Variants in WNK3 observed in about 807,000 individuals in gnomAD.
WNK3 encodes WNK lysine deficient protein kinase 3.
A neutral mutation model predicts 116.7 loss-of-function variants in WNK3; 18 were observed. The observed-to-expected ratio is 0.15, with a 90% CI of 0.11 to 0.23. WNK3 has a LOEUF of 0.23. WNK3 is among the 10% of genes least tolerant of loss of function. WNK3 has a pLI of 1.00. For missense variants in WNK3, 993 were observed against 1,323.8 expected, an observed-to-expected ratio of 0.75 and a Z score of 3.88; for synonymous variants, 404 against 469.4, an observed-to-expected ratio of 0.86 and a Z score of 1.80.
intron 17 of WNK3, 106 bp from the exon 18 acceptor site, chrX:54,239,205 A>T: frequency 6.0e-6 from 3 of 502,512 alleles, no homozygotes; most frequent in Non-Finnish European, 8.7e-6. Context: ...GAAGCTTTTA[A>T]AAAAAAAAAA....
intron 5 of WNK3, among the ~76,000 whole-genome samples, chrX:54,304,093 T>C (rs1376618433): frequency 8.9e-6 from 1 of 111,881 alleles, no homozygotes; most frequent in Non-Finnish European, 1.9e-5. Context: ...TCAACAACAG[T>C]CAACATTTTG....
chrX:54,358,128 C>T (rs1557179719), upstream of WNK3: 2 of 111,558 alleles, frequency 1.8e-5, no homozygotes, highest in African/African-American at 6.5e-5. Context: ...GGAGCAGCCC[C>T]AACTCGGAAC....
intron 10 of WNK3, among the ~76,000 whole-genome samples, chrX:54,264,484 C>G (rs1341772394): frequency 9.1e-6 from 1 of 110,123 alleles, no homozygotes; most frequent in Non-Finnish European, 1.9e-5. Flanking sequence ...GAAATTTACC[C>G]TAAGTTAAAA....
chrX:54,259,248 C>G (rs1457956807), intron 11 of WNK3, 26 bp downstream of exon 11: 1 of 1,094,669 alleles, frequency 9.1e-7, no homozygotes, highest in Non-Finnish European at 1.3e-6. Flanking sequence ...TCATTGTTCT[C>G]ATGGTATTAA....
chrX:54,236,535 T>C (rs189384471), intron 20 of WNK3, among the ~76,000 whole-genome samples: 107 of 111,521 alleles, frequency 9.6e-4, no homozygotes, highest in African/African-American at 3.4e-3. Context: ...ATTACCTCAG[T>C]CACCAAATAA....
chrX:54,298,318 C>A, exon 7 of WNK3: 1 of 1,211,193 alleles, frequency 8.3e-7, no homozygotes, highest in Non-Finnish European at 1.1e-6. Flanking sequence ...GAGCAATCAT[C>A]TTCTTCTGCT....
chrX:54,344,793 T>C (rs1427094437), intron 1 of WNK3, among the ~76,000 whole-genome samples: 1 of 95,210 alleles, frequency 1.1e-5, no homozygotes, highest in East Asian at 3.4e-4. Flanking sequence ...AAATACAAAA[T>C]TTTAGCCGGG....
intron 10 of WNK3, among the ~76,000 whole-genome samples, chrX:54,270,672 C>T (rs782224771): frequency 9.2e-6 from 1 of 109,164 alleles, no homozygotes; most frequent in Admixed American, 1.0e-4. Context: ...CCTATCAACC[C>T]GTCATCTAGG....
chrX:54,273,466 C>T (rs1229005548), intron 10 of WNK3, among the ~76,000 whole-genome samples: 2 of 111,462 alleles, frequency 1.8e-5, no homozygotes, highest in East Asian at 2.8e-4. Flanking sequence ...TGCTTGAACC[C>T]GGAAGGCGGA....
intron 10 of WNK3, among the ~76,000 whole-genome samples, chrX:54,275,415 ATGTGTGTGTGTGTGTGTGTGTGTGTGTG>A (rs782672834): frequency 1.6e-5 from 1 of 64,432 alleles, no homozygotes; most frequent in East Asian, 6.3e-4. Flanking sequence ...ATAAGTTCAT[ATGTGTGTGTGTGTGTGTGTGTGTGTGTG>A]TGTGTGTGTG....
chrX:54,268,663 T>C (rs1434898764), intron 10 of WNK3, among the ~76,000 whole-genome samples: 2 of 111,266 alleles, frequency 1.8e-5, no homozygotes, highest in South Asian at 3.8e-4. Context: ...TGGGAAAATG[T>C]CAAAAGGACA....
intron 22 of WNK3, among the ~76,000 whole-genome samples, chrX:54,216,156 G>A (rs782327294): frequency 2.7e-5 from 3 of 109,655 alleles, no homozygotes; most frequent in Admixed American, 9.9e-5. Flanking sequence ...GGTGGAAGGC[G>A]GCAGGGCCCT....
At chrX:54,298,707 A>C (rs2068724644) in intron 6 of WNK3, among the ~76,000 whole-genome samples, 1 of 111,956 alleles carries the variant, frequency 8.9e-6, no homozygotes, top group East Asian at 2.8e-4. Context: ...ACATACACAA[A>C]ATTATGCCTA....
intron 22 of WNK3, among the ~76,000 whole-genome samples, chrX:54,218,279 C>T (rs1557145806): frequency 9.0e-6 from 1 of 110,741 alleles, no homozygotes; most frequent in African/African-American, 3.3e-5. Context: ...ACGCAGGAGT[C>T]CTGGAACTGA....
At chrX:54,302,007 A>G in intron 5 of WNK3, 148 bp from the exon 6 acceptor site, 1 of 450,466 alleles carries the variant, frequency 2.2e-6, no homozygotes, top group Non-Finnish European at 3.8e-6. Context: ...TAGAGAACAT[A>G]AGTTTAATAA....
At chrX:54,214,504 C>A (rs1421785607) in intron 22 of WNK3, among the ~76,000 whole-genome samples, 1 of 111,538 alleles carries the variant, frequency 9.0e-6, no homozygotes, top group East Asian at 2.8e-4. Context: ...GGCAAAACAA[C>A]TAGAACCAAC....
rs782243828 is a variant in WNK3 at position 54,196,406 on chromosome X, AT to A, written c.*1917del. On this transcript the variant is annotated 3_prime_UTR_variant, in exon 24 of 24. Coordinates refer to ENST00000354646, the Ensembl canonical transcript of WNK3. ...TCCTCAGGTAAGCAACATAAAACAC[AT>A]TTTTTTTTTTTTTTGGAAAAGAGGT... 4.4e-3 allele frequency: 369 copies of A among 83,831 alleles called. 2 individuals carry two copies. The highest frequency in any genetic ancestry group is 6.9e-3 in the African/African-American group (158 of 22,818). The allele number at this position is 83,831 out of a possible 1,213,427, so 6.9% of individuals were successfully genotyped here.
At chrX:54,340,789 C>T (rs1364801052) in intron 1 of WNK3, among the ~76,000 whole-genome samples, 2 of 111,370 alleles carry the variant, frequency 1.8e-5, no homozygotes, top group Non-Finnish European at 3.8e-5. Context: ...CAATGAAATG[C>T]CACTTCATAC....
intron 22 of WNK3, among the ~76,000 whole-genome samples, chrX:54,219,954 A>T (rs1417994131): frequency 8.9e-6 from 1 of 111,978 alleles, no homozygotes; most frequent in East Asian, 2.8e-4. Flanking sequence ...AAGGTGGATA[A>T]AAGCTAGTCT....
Sources: allele counts gnomAD v4.1 joint callset (sites outside exome capture counted in the v4.1 genomes callset), GRCh38; gene constraint gnomAD v4.1.1; transcripts MANE v1.5; gene names NCBI Gene and HGNC (gene_info 2026-07-23, HGNC 2026-07-21).